ELAPOR1: variants seen among roughly 807,000 people sequenced by gnomAD.
ELAPOR1 encodes the protein endosome/lysosome-associated apoptosis and autophagy regulator 1.
A neutral mutation model predicts 119.7 loss-of-function variants in ELAPOR1; 77 were observed. The observed-to-expected ratio is 0.64, with a 90% CI of 0.54 to 0.78. ELAPOR1 has a LOEUF of 0.78. Ranked by LOEUF, ELAPOR1 falls within the 30% of genes least tolerant of loss-of-function variation. The pLI, the probability that ELAPOR1 is intolerant of heterozygous loss-of-function variation, is 0.00. For missense variants in ELAPOR1, 1,115 were observed against 1,270.4 expected, an observed-to-expected ratio of 0.88 and a Z score of 1.86; for synonymous variants, 481 against 487.2, an observed-to-expected ratio of 0.99 and a Z score of 0.17.
intron 14 of ELAPOR1, 122 bp from the exon 15 acceptor site, chr1:109,194,299 T>G: frequency 2.5e-6 from 2 of 786,016 alleles, no homozygotes; most frequent in Non-Finnish European, 4.1e-6. Context: ...CTCCTAATCC[T>G]TTCTTCCTCC....
At position 109,194,408 on chromosome 1, in the gene ELAPOR1, C is replaced by G; in HGVS notation, c.1948-13C>G. 1 of 1,612,148 alleles carries G rather than the reference C, an allele frequency of 6.2e-7. No individual in the cohort carries two copies. The highest frequency in any genetic ancestry group is 8.5e-7 in the Non-Finnish European group (1 of 1,178,700). On this transcript the variant is annotated splice_polypyrimidine_tract_variant and intron_variant, in intron 14 of 21. Coordinates refer to ENST00000369939, the MANE Select transcript of ELAPOR1 (RefSeq NM_020775.5). ...CCTGACCAGCTGGCCCGACCCGTCC[C>G]TCTCCCCCTCAGATCCACTCTCTGT...
At chr1:109,167,949 A>G (rs1446621662) in intron 3 of ELAPOR1, among the ~76,000 whole-genome samples, 2 of 151,618 alleles carry the variant, frequency 1.3e-5, no homozygotes, top group African/African-American at 2.4e-5. Flanking sequence ...CCCGCTCAAA[A>G]CCCTAGATTC....
chr1:109,190,910 A>T (rs17642802), intron 11 of ELAPOR1, among the ~76,000 whole-genome samples: 5,760 of 152,226 alleles, frequency 0.038, 175 homozygotes, highest in Middle Eastern at 0.11. Context: ...CTTATGATAG[A>T]CGTGCTTCTC....
rs755296341 is a variant in ELAPOR1 at position 109,198,592 on chromosome 1, T to C, written c.2419T>C (p.Ser807Pro). Reference protein sequence around the residue: ...FFYRSNDVTQSCSSGRSTTIR... With the variant: ...FFYRSNDVTQPCSSGRSTTIR... ...CTGCAGGTCCAATGATGTGACCCAG[T>C]CCTGCAGTTCTGGGAGATCAACCAC... Residue 807 changes from serine (S) to proline (P), a missense_variant, in exon 18 of 22, where the codon TCC becomes CCC. Transcript: ENST00000369939. 9 of 1,613,746 alleles carry C rather than the reference T, an allele frequency of 5.6e-6. No individual in the cohort carries two copies. In the South Asian group the frequency reaches 9.9e-5, roughly 18 times the overall value.
At chr1:109,187,167 T>C in intron 8 of ELAPOR1, 2 of 985,498 alleles carry the variant, frequency 2.0e-6, no homozygotes, top group Non-Finnish European at 2.4e-6. Flanking sequence ...CTCAGTTGTT[T>C]CTCAGGGACC....
intron 2 of ELAPOR1, 63 bp downstream of exon 2, chr1:109,162,077 CT>C (rs1651302239): frequency 1.3e-6 from 2 of 1,551,822 alleles, no homozygotes; most frequent in East Asian, 4.6e-5. Context: ...CCCAAGTCTC[CT>C]GCCATCCAAT....
At chr1:109,186,113 G>A (rs1653028742) in intron 8 of ELAPOR1, among the ~76,000 whole-genome samples, 1 of 151,722 alleles carries the variant, frequency 6.6e-6, no homozygotes, top group African/African-American at 2.4e-5. Flanking sequence ...GAGAATGAAG[G>A]AGGGTGGTGC....
At chr1:109,116,486 G>A (rs967769530) in intron 1 of ELAPOR1, among the ~76,000 whole-genome samples, 13 of 152,134 alleles carry the variant, frequency 8.5e-5, no homozygotes, top group East Asian at 3.9e-4. Flanking sequence ...TGCCACAGGC[G>A]TCAGCAAGTC....
intron 1 of ELAPOR1, among the ~76,000 whole-genome samples, chr1:109,135,095 T>C (rs1472771660): frequency 6.6e-6 from 1 of 152,182 alleles, no homozygotes; most frequent in African/African-American, 2.4e-5. Context: ...CTCTTGCCTT[T>C]TCCCAGGCAG....
chr1:109,167,806 C>T (rs1307474807), intron 3 of ELAPOR1, among the ~76,000 whole-genome samples: 1 of 152,142 alleles, frequency 6.6e-6, no homozygotes, highest in Non-Finnish European at 1.5e-5. Flanking sequence ...CACGGTTTCA[C>T]TTATGTTGCC....
At chr1:109,199,814 C>T in intron 18 of ELAPOR1, 40 bp from the exon 19 acceptor site, 1 of 1,602,244 alleles carries the variant, frequency 6.2e-7, no homozygotes, top group Non-Finnish European at 8.5e-7. Flanking sequence ...CCCCACCCCT[C>T]CAGCGAGTGA....
At chr1:109,115,842 C>T (rs1246393566) in intron 1 of ELAPOR1, among the ~76,000 whole-genome samples, 1 of 152,216 alleles carries the variant, frequency 6.6e-6, no homozygotes, top group Non-Finnish European at 1.5e-5. Context: ...TACATTTCCA[C>T]CTAGCCGCAT....
intron 2 of ELAPOR1, among the ~76,000 whole-genome samples, chr1:109,162,625 AG>A (rs1464252818): frequency 2.6e-5 from 4 of 152,350 alleles, no homozygotes; most frequent in African/African-American, 9.6e-5. Context: ...AGGAATGCAA[AG>A]GGAATAACAA....
chr1:109,165,748 C>T (rs867739838), intron 3 of ELAPOR1, among the ~76,000 whole-genome samples: 7 of 135,392 alleles, frequency 5.2e-5, no homozygotes, highest in African/African-American at 1.1e-4. Flanking sequence ...TCTTCTTCTT[C>T]TTTTTTTTTT....
chr1:109,188,423 G>A (rs1653209690), intron 9 of ELAPOR1, 69 bp downstream of exon 9: 4 of 1,511,854 alleles, frequency 2.6e-6, no homozygotes, highest in Non-Finnish European at 3.6e-6. Context: ...GGCACTAACA[G>A]TGGCCAGCTG....
intron 1 of ELAPOR1, among the ~76,000 whole-genome samples, chr1:109,144,059 A>ATTTTTTTTTTT (rs1243626258): frequency 5.8e-5 from 2 of 34,426 alleles, no homozygotes; most frequent in Non-Finnish European, 1.4e-4. Flanking sequence ...ATATATTTAT[A>ATTTTTTTTTTT]TATTTTTTTT....
intron 1 of ELAPOR1, among the ~76,000 whole-genome samples, chr1:109,150,561 C>T (rs536027333): frequency 6.6e-6 from 1 of 152,190 alleles, no homozygotes; most frequent in East Asian, 1.9e-4. Context: ...CTAAAGTCAC[C>T]CTTGACCCTA....
intron 1 of ELAPOR1, among the ~76,000 whole-genome samples, chr1:109,154,019 T>C (rs190640384): frequency 2.7e-4 from 41 of 152,204 alleles, no homozygotes; most frequent in Middle Eastern, 3.4e-3. Flanking sequence ...CTGTGGCTCA[T>C]GCCTGTAATC....
At position 109,169,333 on chromosome 1, in the gene ELAPOR1, A is replaced by G. The variant is rs1333865575; in HGVS notation, c.468-2533A>G. ...CGGCTCACTGCAACCTCCGCCTCCC[A>G]AGTTCAAGTGATTCTCCTGCCTCAG... On this transcript the variant is annotated intron_variant, in intron 3 of 21. Coordinates refer to ENST00000369939, the MANE Select transcript of ELAPOR1 (RefSeq NM_020775.5). 3.3e-5 allele frequency among the ~76,000 whole-genome samples: 5 copies of G among 152,130 alleles called. No homozygotes were observed. In the East Asian group the frequency reaches 9.7e-4, roughly 29 times the overall value.
Sources: allele counts gnomAD v4.1 joint callset (sites outside exome capture counted in the v4.1 genomes callset), GRCh38; gene constraint gnomAD v4.1.1; transcripts MANE v1.5; gene names NCBI Gene and HGNC (gene_info 2026-07-23, HGNC 2026-07-21).